Variants in IMMP2L observed in about 807,000 individuals in gnomAD.
IMMP2L encodes the protein inner mitochondrial membrane peptidase subunit 2.
Under a neutral mutation model 19.3 loss-of-function variants are expected in IMMP2L, and 18 were observed. The ratio of observed to expected loss-of-function variants is 0.93; its 90% CI spans 0.64 to 1.38. The LOEUF (loss-of-function observed/expected upper bound fraction) is 1.38. Among genes scored for constraint, IMMP2L ranks in the 40% most tolerant of loss-of-function variants. The probability of loss-of-function intolerance (pLI) is 0.00; values close to 1 mark genes in which losing one functional copy is unlikely to be tolerated. For synonymous variants in IMMP2L, 76 were observed against 73.0 expected (o/e 1.04, Z -0.21); for missense variants, 233 against 218.2 (o/e 1.07, Z -0.43).
intron 3 of IMMP2L, among the ~76,000 whole-genome samples, chr7:111,115,544 G>A (rs369273885): frequency 1.3e-5 from 2 of 152,018 alleles, no homozygotes; most frequent in East Asian, 1.9e-4. Context: ...ATTATAAAGA[G>A]AGATTTCTGT....
At chr7:110,783,706 T>C (rs1208554006) in intron 5 of IMMP2L, among the ~76,000 whole-genome samples, 1 of 151,892 alleles carries the variant, frequency 6.6e-6, no homozygotes, top group African/African-American at 2.4e-5. Context: ...TGTCTCAGGT[T>C]ACATTGTATT....
chr7:111,150,172 C>A (rs1277535063), intron 3 of IMMP2L, among the ~76,000 whole-genome samples: 2 of 152,136 alleles, frequency 1.3e-5, no homozygotes, highest in Non-Finnish European at 2.9e-5. Flanking sequence ...CAATGTATTG[C>A]AATTTGACAT....
chr7:111,024,059 G>T (rs1826564712), intron 3 of IMMP2L, among the ~76,000 whole-genome samples: 1 of 152,166 alleles, frequency 6.6e-6, no homozygotes, highest in Non-Finnish European at 1.5e-5. Flanking sequence ...TATTGGCCGT[G>T]TGAATTCTAC....
chr7:111,533,492 T>C (rs1027378968), intron 1 of IMMP2L, among the ~76,000 whole-genome samples: 2 of 152,100 alleles, frequency 1.3e-5, no homozygotes, highest in African/African-American at 4.8e-5. Flanking sequence ...AGCCACTGAT[T>C]TGGGTGGTTA....
Position 111,275,057 on chromosome 7 carries a change from T to C in IMMP2L, c.239+212181A>G, listed in dbSNP as rs1277932198. 2.0e-5 allele frequency among the ~76,000 whole-genome samples: 3 copies of C among 152,266 alleles called. No individual in the cohort carries two copies. The Middle Eastern group carries it at 0.01, about 518-fold the overall frequency. Reference sequence around the variant, plus strand: ...ATCTCGAGATGTGTCAGAATTAAAGTTGGCAAGTTTCCAGACTATTTGAAT... The same window carrying C: ...ATCTCGAGATGTGTCAGAATTAAAGCTGGCAAGTTTCCAGACTATTTGAAT... On this transcript the variant is annotated intron_variant, in intron 3 of 5. Transcript: ENST00000405709.
At chr7:111,163,976 G>A (rs1409301971) in intron 3 of IMMP2L, among the ~76,000 whole-genome samples, 2 of 151,916 alleles carry the variant, frequency 1.3e-5, no homozygotes, top group Admixed American at 1.3e-4. Flanking sequence ...CAAAAGATCT[G>A]AAATAGCTGT....
At chr7:111,375,404 T>C (rs1830598644) in intron 3 of IMMP2L, among the ~76,000 whole-genome samples, 1 of 152,032 alleles carries the variant, frequency 6.6e-6, no homozygotes, top group South Asian at 2.1e-4. Context: ...AATATCTGAG[T>C]GAAGCCTGGA....
chr7:111,077,638 T>C (rs1242880463), intron 3 of IMMP2L, among the ~76,000 whole-genome samples: 1 of 152,200 alleles, frequency 6.6e-6, no homozygotes. Context: ...CAATTCTCCA[T>C]GTAGCAGCCT....
chr7:110,739,480 A>G (rs934229573), intron 5 of IMMP2L, among the ~76,000 whole-genome samples: 2 of 152,344 alleles, frequency 1.3e-5, no homozygotes, highest in South Asian at 2.1e-4. Context: ...ACATTACATA[A>G]TGATAAAAGA....
intron 3 of IMMP2L, among the ~76,000 whole-genome samples, chr7:111,317,905 A>G (rs1824278191): frequency 6.6e-6 from 1 of 152,186 alleles, no homozygotes; most frequent in Non-Finnish European, 1.5e-5. Flanking sequence ...AATTTGTTAT[A>G]GATTCTACAT....
intron 5 of IMMP2L, among the ~76,000 whole-genome samples, chr7:110,805,974 T>C (rs1165017136): frequency 6.6e-6 from 1 of 151,152 alleles, no homozygotes; most frequent in Non-Finnish European, 1.5e-5. Flanking sequence ...TTAACTCCTC[T>C]AGTTAGACCA....
intron 3 of IMMP2L, among the ~76,000 whole-genome samples, chr7:111,339,648 T>C (rs1184120073): frequency 1.3e-5 from 2 of 151,920 alleles, no homozygotes; most frequent in African/African-American, 4.8e-5. Flanking sequence ...CTCAACTAGA[T>C]AAAAACTATT....
intron 3 of IMMP2L, among the ~76,000 whole-genome samples, chr7:111,468,681 T>G (rs772618177): frequency 6.6e-6 from 1 of 152,006 alleles, no homozygotes; most frequent in African/African-American, 2.4e-5. Context: ...ATGTGGAAAA[T>G]GTACTAGAGA....
chr7:110,695,035 A>C (rs1404992175), intron 5 of IMMP2L, among the ~76,000 whole-genome samples: 1 of 152,168 alleles, frequency 6.6e-6, no homozygotes, highest in Non-Finnish European at 1.5e-5. Flanking sequence ...TAGAATGTAC[A>C]TTGGTCATTG....
chr7:111,032,422 C>G (rs1585859246), intron 3 of IMMP2L, among the ~76,000 whole-genome samples: 1 of 152,156 alleles, frequency 6.6e-6, no homozygotes, highest in Non-Finnish European at 1.5e-5. Context: ...CAAGCCACAG[C>G]CTGGGAGAAA....
At chr7:111,103,474 G>A (rs541537630) in intron 3 of IMMP2L, among the ~76,000 whole-genome samples, 3 of 151,496 alleles carry the variant, frequency 2.0e-5, no homozygotes, top group Non-Finnish European at 3.0e-5. Context: ...GGTAAATAGC[G>A]TGATACATTT....
chr7:110,902,308 A>C (rs1811956905), intron 4 of IMMP2L, among the ~76,000 whole-genome samples: 1 of 151,860 alleles, frequency 6.6e-6, no homozygotes, highest in African/African-American at 2.4e-5. Context: ...AGTGACAGTA[A>C]ATTAGGTTTT....
At chr7:111,491,891 C>T (rs775790641) in intron 2 of IMMP2L, among the ~76,000 whole-genome samples, 3 of 151,642 alleles carry the variant, frequency 2.0e-5, no homozygotes, top group Non-Finnish European at 2.9e-5. Context: ...TCACTGCATT[C>T]GTTTTTTTTT....
At chr7:111,124,411 A>C in intron 3 of IMMP2L, 1 of 1,613,806 alleles carries the variant, frequency 6.2e-7, no homozygotes, top group Non-Finnish European at 8.5e-7. Flanking sequence ...AAGTTCTAAA[A>C]TTCTCAAATC....
Sources: allele counts gnomAD v4.1 joint callset (sites outside exome capture counted in the v4.1 genomes callset), GRCh38; gene constraint gnomAD v4.1.1; transcripts MANE v1.5; gene names NCBI Gene and HGNC (gene_info 2026-07-23, HGNC 2026-07-21).